The following COL14A1 variants were observed in gnomAD, a reference collection of about 807,000 sequenced individuals.
COL14A1 encodes collagen alpha-1(XIV) chain.
COL14A1 carries 136 observed loss-of-function variants against 230.3 expected under a neutral mutation model. The ratio of observed to expected loss-of-function variants is 0.59; its 90% CI spans 0.51 to 0.68. The LOEUF is 0.68. Ranked by LOEUF, COL14A1 falls within the 30% of genes least tolerant of loss-of-function variation. The probability of loss-of-function intolerance (pLI) is 0.00; values close to 1 mark genes in which losing one functional copy is unlikely to be tolerated. For missense variants in COL14A1, 1,976 were observed against 2,215.8 expected, an observed-to-expected ratio of 0.89 and a Z score of 2.17; for synonymous variants, 792 against 784.1, an observed-to-expected ratio of 1.01 and a Z score of -0.17.
In COL14A1 at chr8:120,358,431, A is replaced by G. The variant is rs953266146; in HGVS notation, c.5078-8740A>G. Among the ~76,000 whole-genome samples, 13 of 152,192 alleles carry G rather than the reference A, an allele frequency of 8.5e-5. No individual in the cohort carries two copies. The South Asian group carries it at 1.0e-3, about 12-fold the overall frequency. ...AAGTCATAACTAGTTTATAGTGTTG[A>G]TAACCTCTTGGCTAGCTTTTTGACT... On this transcript the variant is annotated intron_variant, in intron 45 of 47. Transcript: ENST00000297848.
chr8:120,322,006 G>A (rs1210098495), intron 40 of COL14A1, among the ~76,000 whole-genome samples: 1 of 151,968 alleles, frequency 6.6e-6, no homozygotes, highest in Non-Finnish European at 1.5e-5. Flanking sequence ...GACTATTGCT[G>A]GCATTTTTTT....
At chr8:120,210,797 A>G (rs11786178) in intron 12 of COL14A1, among the ~76,000 whole-genome samples, 21,317 of 152,078 alleles carry the variant, frequency 0.14, 2,761 homozygotes, top group East Asian at 0.46. Flanking sequence ...CTTTAGGGTC[A>G]AAAAAATGGT....
At chr8:120,361,359 G>A (rs746614785) in intron 45 of COL14A1, among the ~76,000 whole-genome samples, 15 of 152,184 alleles carry the variant, frequency 9.9e-5, no homozygotes, top group South Asian at 6.2e-4. Context: ...AAACAACTAC[G>A]TGTTTTCCAT....
intron 45 of COL14A1, among the ~76,000 whole-genome samples, chr8:120,365,409 G>A (rs1800306364): frequency 6.6e-6 from 1 of 152,164 alleles, no homozygotes; most frequent in Non-Finnish European, 1.5e-5. Context: ...TTCAAAATTA[G>A]TTGTTCCCTG....
chr8:120,207,117 A>G, intron 10 of COL14A1, 23 bp downstream of exon 10: 1 of 1,591,274 alleles, frequency 6.3e-7, no homozygotes, highest in Non-Finnish European at 8.5e-7. Context: ...GAGTATTTTC[A>G]AACCATTCTT....
At chr8:120,264,894 T>C (rs1819458664) in intron 24 of COL14A1, among the ~76,000 whole-genome samples, 1 of 152,168 alleles carries the variant, frequency 6.6e-6, no homozygotes, top group Non-Finnish European at 1.5e-5. Flanking sequence ...TGATCTACTT[T>C]AGCTTCTCCT....
At chr8:120,226,822 G>C in intron 16 of COL14A1, 56 bp downstream of exon 16, 1 of 1,520,974 alleles carries the variant, frequency 6.6e-7, no homozygotes, top group Non-Finnish European at 9.0e-7. Flanking sequence ...AATACCTACT[G>C]CTGCTGGAGT....
intron 5 of COL14A1, among the ~76,000 whole-genome samples, chr8:120,176,328 A>G (rs1232955255): frequency 6.6e-6 from 1 of 152,146 alleles, no homozygotes; most frequent in Admixed American, 6.5e-5. Flanking sequence ...GGCTCAACAC[A>G]TGTGCTCAAT....
At chr8:120,170,086 G>T (rs1301461756) in intron 5 of COL14A1, among the ~76,000 whole-genome samples, 1 of 151,862 alleles carries the variant, frequency 6.6e-6, no homozygotes, top group Non-Finnish European at 1.5e-5. Flanking sequence ...GTCTCCTTCT[G>T]TACAAGTCGT....
Position 120,371,317 on chromosome 8 carries a change from A to G in COL14A1, c.*86A>G. On this transcript the variant is annotated 3_prime_UTR_variant, in exon 48 of 48. Coordinates refer to ENST00000297848, the MANE Select transcript of COL14A1 (RefSeq NM_021110.4). ...AATGTTGTTATGTGGTTTGTATGCT[A>G]CTTTTGGGGGGCAGGGCTCATTTCA... 1.0e-6 allele frequency: 1 copy of G among 989,880 alleles called. No individual in the cohort carries two copies. Among genetic ancestry groups the G allele is most frequent in the South Asian group, 1.8e-5 (1 of 57,054 alleles). 61.3% of individuals were successfully genotyped at this position (989,880 alleles called of 1,614,324 possible). A position where few individuals can be genotyped will look rare whatever the true frequency, so the allele number is the denominator to read the frequency against.
chr8:120,203,982 A>G lies in COL14A1; in HGVS notation c.1039+112A>G. On this transcript the variant is annotated intron_variant, in intron 9 of 47. Transcript: ENST00000297848. Reference sequence around the variant, plus strand: ...CATGTTGGCTTTTTGAAGACCCCTTATTCCCCTAAGACCTGAGCCGTCAGA... The same window carrying G: ...CATGTTGGCTTTTTGAAGACCCCTTGTTCCCCTAAGACCTGAGCCGTCAGA... 1.1e-5 allele frequency: 12 copies of G among 1,102,332 alleles called. No individual in the cohort carries two copies. The South Asian group carries it at 2.1e-4, about 19-fold the overall frequency. The allele number at this position is 1,102,332 out of a possible 1,614,324, so 68.3% of individuals were successfully genotyped here. A position where few individuals can be genotyped will look rare whatever the true frequency, so the allele number is the denominator to read the frequency against.
intron 3 of COL14A1, among the ~76,000 whole-genome samples, chr8:120,161,636 A>T (rs888572847): frequency 2.6e-5 from 4 of 152,098 alleles, no homozygotes; most frequent in African/African-American, 9.7e-5. Context: ...CAGTGTAAAT[A>T]ATTACCTTCG....
intron 1 of COL14A1, among the ~76,000 whole-genome samples, chr8:120,135,669 A>C (rs1300216397): frequency 6.6e-6 from 1 of 152,172 alleles, no homozygotes; most frequent in Non-Finnish European, 1.5e-5. Context: ...GATTTTGATT[A>C]AAATTGCTTT....
intron 2 of COL14A1, among the ~76,000 whole-genome samples, chr8:120,148,552 C>T (rs1202728188): frequency 6.6e-6 from 1 of 152,022 alleles, no homozygotes; most frequent in Admixed American, 6.6e-5. Context: ...GAATAAAGCC[C>T]TATTTTTACA....
intron 28 of COL14A1, among the ~76,000 whole-genome samples, chr8:120,279,045 C>G (rs1007769831): frequency 2.0e-5 from 3 of 149,278 alleles, no homozygotes; most frequent in African/African-American, 7.4e-5. Flanking sequence ...CAAACTAACA[C>G]AGGAACAGAA....
At position 120,166,875 on chromosome 8, in the gene COL14A1, A is replaced by AGTGTGTGTGTGTGTGTGT. The variant is rs4053270; in HGVS notation, c.350-1256_350-1239dup. On this transcript the variant is annotated intron_variant, in intron 4 of 47. Coordinates refer to ENST00000297848, the MANE Select transcript of COL14A1 (RefSeq NM_021110.4). Reference sequence around the variant, plus strand: ...AACAACTGAGAAAGAAAAGAATTTAAGTGTGTGTGTGTGTGTGTGTGTGTG... The same window carrying AGTGTGTGTGTGTGTGTGT: ...AACAACTGAGAAAGAAAAGAATTTAAGTGTGTGTGTGTGTGTGTGTGTGTGTGTGTGTGTGTGTGTGTG... Among the ~76,000 whole-genome samples, 68 of 117,058 alleles carry AGTGTGTGTGTGTGTGTGT rather than the reference A, an allele frequency of 5.8e-4. 1 individual carries two copies. Among genetic ancestry groups the AGTGTGTGTGTGTGTGTGT allele is most frequent in the South Asian group, 1.7e-3 (5 of 2,936 alleles). 76.8% of individuals were successfully genotyped at this position (117,058 alleles called of 152,430 possible).
intron 1 of COL14A1, among the ~76,000 whole-genome samples, chr8:120,128,267 A>G (rs1814418874): frequency 6.9e-6 from 1 of 144,878 alleles, no homozygotes; most frequent in African/African-American, 2.5e-5. Flanking sequence ...GTGTGTTGGA[A>G]ATGTTGGCAT....
rs1820661950 is a variant in COL14A1, at chr8:120,300,057, C to T, written c.4315-675C>T. Among the ~76,000 whole-genome samples the T allele has an allele frequency of 2.6e-5, 4 of 152,222 alleles. 1 individual carries two copies. The highest frequency in any genetic ancestry group is 4.2e-4 in the South Asian group (2 of 4,818). The stretch of plus-strand genomic sequence containing the variant: ...AGCTGTTAGCAGGTGCTCTGTCTTC[C>T]TCTGCATTCCAGTAACTCATTCAGA... On this transcript the variant is annotated intron_variant, in intron 35 of 47. Transcript: ENST00000297848.
At chr8:120,166,642 T>C (rs1815884588) in intron 4 of COL14A1, among the ~76,000 whole-genome samples, 1 of 152,106 alleles carries the variant, frequency 6.6e-6, no homozygotes, top group Admixed American at 6.6e-5. Context: ...AGCCCATGTG[T>C]GGGTGGGGTT....
Sources: gnomAD v4.1 joint callset for allele counts (sites outside exome capture counted in the v4.1 genomes callset) on GRCh38, gnomAD v4.1.1 for gene constraint, MANE v1.5 for transcripts, NCBI Gene and HGNC (gene_info 2026-07-23, HGNC 2026-07-21) for gene names.